Variants in KDM5A observed in about 807,000 individuals in gnomAD.
KDM5A encodes the protein lysine demethylase 5A.
In KDM5A, 42 loss-of-function variants were observed where a neutral mutation model predicts 193.5. The observed-to-expected ratio is 0.22, with a 90% CI of 0.17 to 0.28. The LOEUF (loss-of-function observed/expected upper bound fraction) is 0.28, where lower values mean the gene tolerates loss of function less well. Ranked by LOEUF, KDM5A falls within the 10% of genes least tolerant of loss-of-function variation. The pLI is 1.00. For missense variants in KDM5A, 1,692 were observed against 2,055.1 expected (o/e 0.82, Z 3.42); for synonymous variants, 796 against 718.1 (o/e 1.11, Z -1.73).
rs984999629 is a variant in KDM5A at position 283,375 on chromosome 12, C to A, written c.*2081G>T. On this transcript the variant is annotated 3_prime_UTR_variant, in exon 28 of 28. Transcript: ENST00000399788. ...TGCAATATCCATTGAAATCTTCGAT[C>A]ATACACAAACTTACTTCAGATGAGA... 4 of 232,730 alleles carry A rather than the reference C, an allele frequency of 1.7e-5. No individual in the cohort carries two copies. The East Asian group carries it at 2.4e-4, about 14-fold the overall frequency. 14.4% of individuals were successfully genotyped at this position (232,730 alleles called of 1,614,324 possible).
intron 10 of KDM5A, among the ~76,000 whole-genome samples, chr12:340,689 C>A (rs1943992921): frequency 1.2e-5 from 1 of 81,698 alleles, no homozygotes; most frequent in African/African-American, 5.4e-5. Flanking sequence ...TGCGAGACTC[C>A]ATCACAAAAA....
intron 27 of KDM5A, among the ~76,000 whole-genome samples, chr12:290,881 T>C (rs915688893): frequency 3.3e-5 from 5 of 152,052 alleles, no homozygotes; most frequent in Non-Finnish European, 7.4e-5. Flanking sequence ...ATGTAAACAT[T>C]ATAGAAAGAA....
chr12:294,343 C>T (rs1324971897), intron 26 of KDM5A, among the ~76,000 whole-genome samples: 1 of 152,068 alleles, frequency 6.6e-6, no homozygotes, highest in South Asian at 2.1e-4. Context: ...TAACATAAAC[C>T]TAATAATTCC....
At chr12:288,777 T>C (rs2137359034) in intron 27 of KDM5A, among the ~76,000 whole-genome samples, 1 of 152,354 alleles carries the variant, frequency 6.6e-6, no homozygotes, top group Middle Eastern at 3.4e-3. Context: ...ATTTTCTTGG[T>C]GCTCTCAATA....
chr12:389,038 C>G lies in KDM5A; in HGVS notation c.54G>C (p.Glu18Asp), dbSNP rs2137508117. 11 of 1,612,270 alleles carry G rather than the reference C, an allele frequency of 6.8e-6. No individual in the cohort carries two copies. The highest frequency in any genetic ancestry group is 1.1e-5 in the South Asian group (1 of 91,006). Residue 18 changes from glutamate to aspartate, a missense_variant, in exon 1 of 28, where the codon GAG becomes GAC. Physicochemically the swap from Glu to Asp is conservative, Grantham distance 45. This residue lies in a region of KDM5A where 84 missense variants were observed against 68.2 expected (regional missense o/e 1.23). Coordinates refer to ENST00000399788, the MANE Select transcript of KDM5A (RefSeq NM_001042603.3). ...CCCAACTCGGCTCAAAGACGGGGCA[C>G]TCTGGCGGTGGCACGAACTCCGCCG... is the stretch of plus-strand genomic sequence containing the variant. Reference protein sequence around the residue: ...GYAAEFVPPPECPVFEPSWEE... With the variant: ...GYAAEFVPPPDCPVFEPSWEE...
intron 13 of KDM5A, among the ~76,000 whole-genome samples, chr12:331,220 T>C (rs1043950108): frequency 6.6e-6 from 1 of 152,204 alleles, no homozygotes; most frequent in Non-Finnish European, 1.5e-5. Context: ...ATTATCTGTA[T>C]AAGCCTGATC....
intron 3 of KDM5A, among the ~76,000 whole-genome samples, chr12:383,060 A>T (rs1339335584): frequency 6.6e-6 from 1 of 152,126 alleles, no homozygotes; most frequent in African/African-American, 2.4e-5. Flanking sequence ...AACTTGTCTA[A>T]ACTCTTCACC....
chr12:339,781 TCTC>T (rs1422484759), intron 10 of KDM5A, among the ~76,000 whole-genome samples: 1 of 151,852 alleles, frequency 6.6e-6, no homozygotes, highest in Non-Finnish European at 1.5e-5. Flanking sequence ...ATGATTCTCA[TCTC>T]CTGAAATTCA....
Position 309,798 on chromosome 12 carries a change from C to T in KDM5A, c.3378+5G>A, listed in dbSNP as rs1166391306. 14 of 1,613,944 alleles carry T rather than the reference C, an allele frequency of 8.7e-6. No individual in the cohort carries two copies. The highest frequency in any genetic ancestry group is 1.2e-5 in the Non-Finnish European group (14 of 1,179,928). ...GCAAACTCAAGATGCTAGGTAATTT[C>T]TTACCACCATGGCTGTATCTCTGGT... On this transcript the variant is annotated splice_donor_5th_base_variant and intron_variant, in intron 22 of 27. Coordinates refer to ENST00000399788, the MANE Select transcript of KDM5A (RefSeq NM_001042603.3).
At chr12:382,845 T>C (rs1237006446) in intron 3 of KDM5A, among the ~76,000 whole-genome samples, 2 of 152,012 alleles carry the variant, frequency 1.3e-5, no homozygotes, top group African/African-American at 4.8e-5. Flanking sequence ...GGAAGGAGAA[T>C]TGCTTGACCC....
intron 4 of KDM5A, among the ~76,000 whole-genome samples, chr12:363,699 A>G (rs1022203772): frequency 2.6e-5 from 4 of 152,182 alleles, no homozygotes; most frequent in African/African-American, 9.7e-5. Flanking sequence ...CAAAGAAGAA[A>G]ATCTTTGTGA....
chr12:324,549 AG>A (rs1392004762), intron 14 of KDM5A, among the ~76,000 whole-genome samples: 1 of 152,222 alleles, frequency 6.6e-6, no homozygotes, highest in Admixed American at 6.5e-5. Context: ...GACATCAAAA[AG>A]AAAGTTAAGA....
At chr12:361,409 T>C (rs1335807357) in intron 5 of KDM5A, among the ~76,000 whole-genome samples, 3 of 152,174 alleles carry the variant, frequency 2.0e-5, no homozygotes, top group Non-Finnish European at 4.4e-5. Flanking sequence ...TTAGCCAGGA[T>C]GGTCTTGATC....
intron 4 of KDM5A, 135 bp from the exon 5 acceptor site, chr12:363,232 A>C: frequency 1.0e-6 from 1 of 955,560 alleles, no homozygotes; most frequent in East Asian, 2.6e-5. Flanking sequence ...ACATACAGCT[A>C]TCCCTACCAA....
rs942986835 is a variant in KDM5A at position 356,535 on chromosome 12, T to C, written c.675A>G (p.Ser225=). ...PKRTRRVKTQ[S]ESGDVSRNTE... ...TGTTTCTACTCACATCTCCAGATTC[T>C]GACTAAAAAATAAGCAAAATTCACA... The change falls in exon 6 of 28, where the codon TCA becomes TCG. Residue 225 remains serine (S), a splice_region_variant and synonymous_variant. Coordinates refer to ENST00000399788, the MANE Select transcript of KDM5A (RefSeq NM_001042603.3). The C allele has an allele frequency of 6.2e-7, 1 of 1,603,656 alleles. No homozygotes were observed. Among genetic ancestry groups the C allele is most frequent in the South Asian group, 1.1e-5 (1 of 90,842 alleles).
chr12:316,759 A>G (rs915165675), intron 19 of KDM5A, among the ~76,000 whole-genome samples: 4 of 152,218 alleles, frequency 2.6e-5, no homozygotes, highest in Non-Finnish European at 5.9e-5. Flanking sequence ...AAATTTTAGT[A>G]TGTATTCTGC....
At chr12:373,773 T>C (rs1944464562) in intron 3 of KDM5A, among the ~76,000 whole-genome samples, 2 of 152,242 alleles carry the variant, frequency 1.3e-5, no homozygotes, top group Non-Finnish European at 1.5e-5. Context: ...CATTCTGGTA[T>C]GTTGTGTTTT....
chr12:295,461 G>A, intron 26 of KDM5A, 112 bp downstream of exon 26: 1 of 1,011,966 alleles, frequency 9.9e-7, no homozygotes, highest in South Asian at 1.3e-5. Flanking sequence ...TGGGAAAGTA[G>A]ACCAGCCAGA....
intron 27 of KDM5A, among the ~76,000 whole-genome samples, chr12:288,120 CT>C (rs1943243797): frequency 1.3e-5 from 2 of 152,146 alleles, no homozygotes; most frequent in Non-Finnish European, 2.9e-5. Flanking sequence ...TCATGTTCAT[CT>C]ACTAACAATC....
Sources: gnomAD v4.1 joint callset for allele counts (sites outside exome capture counted in the v4.1 genomes callset) on GRCh38, gnomAD v4.1.1 for gene constraint, gnomAD v4.1.1 regional missense constraint, MANE v1.5 for transcripts, NCBI Gene and HGNC (gene_info 2026-07-23, HGNC 2026-07-21) for gene names.